Variants in SLMAP observed in about 807,000 individuals in gnomAD.
SLMAP encodes sarcolemmal membrane-associated protein.
In SLMAP, 44 loss-of-function variants were observed where a neutral mutation model predicts 128.8. The ratio of observed to expected loss-of-function variants is 0.34; its 90% CI spans 0.27 to 0.44. The LOEUF is 0.44. SLMAP is among the 20% of genes least tolerant of loss of function. The pLI, the probability that SLMAP is intolerant of heterozygous loss-of-function variation, is 1.00. For missense variants in SLMAP, 787 were observed against 985.3 expected (o/e 0.80, Z 2.69); for synonymous variants, 327 against 348.8 (o/e 0.94, Z 0.70).
At chr3:57,829,340 G>A (rs1036542714) in intron 2 of SLMAP, among the ~76,000 whole-genome samples, 2 of 151,806 alleles carry the variant, frequency 1.3e-5, no homozygotes, top group African/African-American at 4.8e-5. Flanking sequence ...ACCCACTAAT[G>A]TATCAGAACT....
intron 4 of SLMAP, among the ~76,000 whole-genome samples, chr3:57,842,248 T>C (rs948986121): frequency 6.6e-6 from 1 of 152,208 alleles, no homozygotes; most frequent in African/African-American, 2.4e-5. Flanking sequence ...ATTTATTTTA[T>C]GCTTGTTAGA....
chr3:57,898,664 A>G (rs2096296777), intron 17 of SLMAP: 2 of 152,348 alleles, frequency 1.3e-5, no homozygotes, highest in South Asian at 4.1e-4. Flanking sequence ...GCCTACCACA[A>G]TGCAGGTATT....
rs995945467 is a variant in SLMAP, at chr3:57,756,873, G to C, written c.-779G>C. On this transcript the variant is annotated 5_prime_UTR_variant, in exon 2 of 25. Transcript: ENST00000671191. ...TCGGTCCGCACCGGCCTGCGGAGCC[G>C]GGTCCCCGCCCTGGTCGCGGGGACG... The C allele has an allele frequency of 6.6e-6, 1 of 152,156 alleles. No homozygotes were observed. The highest frequency in any genetic ancestry group is 1.5e-5 in the Non-Finnish European group (1 of 68,032). 9.4% of individuals were successfully genotyped at this position (152,156 alleles called of 1,614,324 possible).
intron 2 of SLMAP, among the ~76,000 whole-genome samples, chr3:57,772,058 T>G (rs2081006029): frequency 6.6e-6 from 1 of 152,230 alleles, no homozygotes. Flanking sequence ...TTCAAGGAGT[T>G]TCTCGTTTAA....
At chr3:57,815,178 C>T (rs1359892017) in intron 2 of SLMAP, among the ~76,000 whole-genome samples, 4 of 152,166 alleles carry the variant, frequency 2.6e-5, no homozygotes, top group Non-Finnish European at 5.9e-5. Context: ...GCATCGTTCA[C>T]AATAGGGTTT....
chr3:57,816,651 T>C (rs1193343528), intron 2 of SLMAP, among the ~76,000 whole-genome samples: 1 of 152,172 alleles, frequency 6.6e-6, no homozygotes, highest in African/African-American at 2.4e-5. Context: ...ATGGAAAAGA[T>C]CAGATTATAG....
chr3:57,783,400 A>T (rs2083449208), intron 2 of SLMAP, among the ~76,000 whole-genome samples: 1 of 152,194 alleles, frequency 6.6e-6, no homozygotes, highest in Admixed American at 6.5e-5. Context: ...AGAGAACATG[A>T]CTGTTCTGTG....
intron 2 of SLMAP, among the ~76,000 whole-genome samples, chr3:57,770,729 T>C (rs894951435): frequency 4.6e-5 from 7 of 152,172 alleles, no homozygotes; most frequent in African/African-American, 1.7e-4. Context: ...TTGTAAACAT[T>C]TGATGAGAAT....
intron 3 of SLMAP, among the ~76,000 whole-genome samples, chr3:57,836,082 A>G (rs912464051): frequency 6.6e-6 from 1 of 152,176 alleles, no homozygotes; most frequent in African/African-American, 2.4e-5. Flanking sequence ...TATAAGATAT[A>G]ATGTTGAGTA....
chr3:57,813,998 A>G (rs1195503306), intron 2 of SLMAP, among the ~76,000 whole-genome samples: 1 of 151,700 alleles, frequency 6.6e-6, no homozygotes, highest in Non-Finnish European at 1.5e-5. Flanking sequence ...TAATATAGGA[A>G]GGTATAATGG....
chr3:57,906,475 C>G (rs944647237), intron 17 of SLMAP, among the ~76,000 whole-genome samples: 12 of 148,222 alleles, frequency 8.1e-5, no homozygotes, highest in Non-Finnish European at 1.2e-4. Flanking sequence ...ACCACCACGC[C>G]CAGCTAATTT....
chr3:57,890,713 A>T (rs1256812810), intron 15 of SLMAP: 1 of 152,256 alleles, frequency 6.6e-6, no homozygotes, highest in Admixed American at 6.5e-5. Flanking sequence ...AGTCACTTTT[A>T]TACATAGGGA....
chr3:57,909,740 G>A (rs1265828484), intron 19 of SLMAP, among the ~76,000 whole-genome samples: 7 of 151,866 alleles, frequency 4.6e-5, no homozygotes. Flanking sequence ...AGCCTCCTGA[G>A]TAGCTGGGAT....
At chr3:57,763,069 A>G (rs73073954) in intron 2 of SLMAP, among the ~76,000 whole-genome samples, 21,265 of 151,752 alleles carry the variant, frequency 0.14, 1,555 homozygotes, top group South Asian at 0.22. Flanking sequence ...ACCACTGAGC[A>G]AGCAGATCTA....
chr3:57,819,683 T>C (rs1008627497), intron 2 of SLMAP, among the ~76,000 whole-genome samples: 1 of 152,226 alleles, frequency 6.6e-6, no homozygotes, highest in Non-Finnish European at 1.5e-5. Flanking sequence ...GTTCTTTTTT[T>C]CCCACAAATG....
At chr3:57,915,385 C>G (rs553905127) in intron 21 of SLMAP, among the ~76,000 whole-genome samples, 1 of 152,336 alleles carries the variant, frequency 6.6e-6, no homozygotes, top group South Asian at 2.1e-4. Flanking sequence ...TCTGCCTAAA[C>G]TCACATAAAG....
chr3:57,764,553 T>C (rs887072553), intron 2 of SLMAP, among the ~76,000 whole-genome samples: 15 of 150,170 alleles, frequency 1.0e-4, no homozygotes, highest in African/African-American at 3.7e-4. Context: ...AGTGATACAA[T>C]AGCAGTATGT....
chr3:57,906,300 C>CTTTTTTTTTTTT (rs112949836), intron 17 of SLMAP, among the ~76,000 whole-genome samples: 8 of 71,262 alleles, frequency 1.1e-4, no homozygotes, highest in Non-Finnish European at 1.7e-4. Context: ...AAATTTTTTT[C>CTTTTTTTTTTTT]TTTTTTTTTC....
At chr3:57,844,557 T>C (rs1484895622) in intron 4 of SLMAP, among the ~76,000 whole-genome samples, 2 of 152,152 alleles carry the variant, frequency 1.3e-5, no homozygotes, top group African/African-American at 4.8e-5. Flanking sequence ...GTAGTTTTTG[T>C]AAAATACAGA....
Sources: gnomAD v4.1 joint callset for allele counts (sites outside exome capture counted in the v4.1 genomes callset) on GRCh38, gnomAD v4.1.1 for gene constraint, MANE v1.5 for transcripts, NCBI Gene and HGNC (gene_info 2026-07-23, HGNC 2026-07-21) for gene names.